Variants in PTPRJ observed in about 807,000 individuals in gnomAD.
PTPRJ encodes receptor-type tyrosine-protein phosphatase eta.
PTPRJ carries 129 observed loss-of-function variants against 141.3 expected under a neutral mutation model. That is an observed-to-expected ratio of 0.91 (90% CI 0.79 to 1.06). The LOEUF (loss-of-function observed/expected upper bound fraction) is 1.06, where lower values mean the gene tolerates loss of function less well. Among genes scored for constraint, PTPRJ ranks in the 50% least tolerant of loss-of-function variants. PTPRJ has a pLI of 0.00. For synonymous variants in PTPRJ, 610 were observed against 640.5 expected (o/e 0.95, Z 0.72); for missense variants, 1,601 against 1,679.7 (o/e 0.95, Z 0.82).
chr11:48,051,438 T>C (rs2134247575), intron 1 of PTPRJ, among the ~76,000 whole-genome samples: 1 of 152,288 alleles, frequency 6.6e-6, no homozygotes, highest in African/African-American at 2.4e-5. Context: ...TGATCATGCT[T>C]TTCCCCCCAC....
intron 1 of PTPRJ, among the ~76,000 whole-genome samples, chr11:48,034,833 T>C (rs1206837163): frequency 6.6e-6 from 1 of 152,240 alleles, no homozygotes; most frequent in East Asian, 1.9e-4. Flanking sequence ...ACAATGGCGA[T>C]GGCCATACTG....
At chr11:48,036,232 A>G (rs1433255063) in intron 1 of PTPRJ, among the ~76,000 whole-genome samples, 1 of 152,220 alleles carries the variant, frequency 6.6e-6, no homozygotes, top group Non-Finnish European at 1.5e-5. Context: ...AGAAGAGTCT[A>G]TCTCTGTTCT....
chr11:48,144,843 T>C lies in PTPRJ; in HGVS notation c.2744T>C (p.Leu915Pro). 3 of 1,614,202 alleles carry C rather than the reference T, an allele frequency of 1.9e-6. No homozygotes were observed. Among genetic ancestry groups the C allele is most frequent in the Non-Finnish European group, 2.5e-6 (3 of 1,180,022 alleles). The change falls in exon 13 of 25, where the codon CTT becomes CCT. Residue 915 changes from leucine (L) to proline (P), a missense_variant. By Grantham distance (98) the Leu-to-Pro change is moderately conservative (BLOSUM62 -3). Transcript: ENST00000418331. The part of the protein sequence containing the change: ...EIDVGNESTT[L>P]GYYNGKLEPL... ...GACGTTGGGAATGAGTCAACCACACTTGGTTATTACAATGGGAAGCTGGAA... is the reference window on the plus strand; with the variant it reads ...GACGTTGGGAATGAGTCAACCACACCTGGTTATTACAATGGGAAGCTGGAA...
At chr11:48,059,109 CCTTTTTTTT>C (rs1854843679) in intron 1 of PTPRJ, among the ~76,000 whole-genome samples, 1 of 125,932 alleles carries the variant, frequency 7.9e-6, no homozygotes, top group Non-Finnish European at 1.6e-5. Flanking sequence ...CTGTGCTGTG[CCTTTTTTTT>C]TTTTTTTTTT....
Position 48,121,090 on chromosome 11 carries a change from C to G in PTPRJ, c.440C>G (p.Ser147Cys). 6.2e-7 allele frequency: 1 copy of G among 1,613,816 alleles called. No homozygotes were observed. The highest frequency in any genetic ancestry group is 8.5e-7 in the Non-Finnish European group (1 of 1,179,930). The change falls in exon 4 of 25, where the codon TCT becomes TGT. Residue 147 changes from serine (S) to cysteine (C), a missense_variant. Physicochemically the swap from Ser to Cys is moderately radical, Grantham distance 112. Coordinates refer to ENST00000418331, the MANE Select transcript of PTPRJ (RefSeq NM_002843.4). Reference protein sequence around the residue: ...LTWKSNDTAASEYKYVVKHKM... With the variant: ...LTWKSNDTAACEYKYVVKHKM... ...TGGAAAAGTAATGACACAGCTGCTT[C>G]TGAGTACAAGTATGTAGTAAAGCAT...
At chr11:48,081,429 G>A (rs995304842) in intron 1 of PTPRJ, among the ~76,000 whole-genome samples, 1 of 152,178 alleles carries the variant, frequency 6.6e-6, no homozygotes. Context: ...CAAACAGGGA[G>A]GAGAGGAAGC....
intron 1 of PTPRJ, among the ~76,000 whole-genome samples, chr11:48,053,455 T>C (rs1169206740): frequency 1.7e-5 from 2 of 115,840 alleles, no homozygotes; most frequent in Non-Finnish European, 3.3e-5. Flanking sequence ...TTATATACTA[T>C]ATATTATATA....
At chr11:48,043,428 C>T (rs543578338) in intron 1 of PTPRJ, among the ~76,000 whole-genome samples, 1 of 152,026 alleles carries the variant, frequency 6.6e-6, no homozygotes, top group Non-Finnish European at 1.5e-5. Context: ...ACTCCTCAGG[C>T]CAGGAAGACC....
intron 1 of PTPRJ, among the ~76,000 whole-genome samples, chr11:48,062,216 A>T (rs1029931802): frequency 6.6e-6 from 1 of 151,524 alleles, no homozygotes; most frequent in Admixed American, 6.6e-5. Context: ...TAGGTTTCTT[A>T]AAAAAGTGCC....
chr11:48,134,302 A>G (rs1019793264), intron 8 of PTPRJ, among the ~76,000 whole-genome samples: 2 of 152,218 alleles, frequency 1.3e-5, no homozygotes, highest in Admixed American at 1.3e-4. Context: ...TATAGTTAGC[A>G]TGGCCTTCAT....
At chr11:48,077,581 C>T (rs1438576843) in intron 1 of PTPRJ, among the ~76,000 whole-genome samples, 7 of 152,214 alleles carry the variant, frequency 4.6e-5, no homozygotes, top group East Asian at 3.8e-4. Flanking sequence ...GACAGCCTTA[C>T]GGAGCGTGCT....
At chr11:48,071,607 C>CAT in intron 1 of PTPRJ, among the ~76,000 whole-genome samples, 1 of 82,442 alleles carries the variant, frequency 1.2e-5, no homozygotes, top group Non-Finnish European at 2.2e-5. Flanking sequence ...CGCACCCAGC[C>CAT]TTTTTTTTTT....
In PTPRJ at chr11:48,169,718, T is replaced by C. The variant is rs1212715375; in HGVS notation, c.*2356T>C. On this transcript the variant is annotated 3_prime_UTR_variant, in exon 25 of 25. Coordinates refer to ENST00000418331, the MANE Select transcript of PTPRJ (RefSeq NM_002843.4). The stretch of plus-strand genomic sequence containing the variant: ...AAATCCTTTAAAAGGTTAAATACTT[T>C]AAAAGATTAAAGCAACATAACTGTA... 1.3e-5 allele frequency: 2 copies of C among 152,148 alleles called. No individual in the cohort carries two copies. Among genetic ancestry groups the C allele is most frequent in the Non-Finnish European group, 2.9e-5 (2 of 68,034 alleles). The allele number at this position is 152,148 out of a possible 1,614,324, so 9.4% of individuals were successfully genotyped here. A position where few individuals can be genotyped will look rare whatever the true frequency, so the allele number is the denominator to read the frequency against.
At chr11:48,024,873 C>T (rs1853765035) in intron 1 of PTPRJ, among the ~76,000 whole-genome samples, 1 of 152,224 alleles carries the variant, frequency 6.6e-6, no homozygotes, top group African/African-American at 2.4e-5. Context: ...TTGAGCTGTG[C>T]TTAGAAGGCC....
At chr11:48,081,497 G>A (rs991095523) in intron 1 of PTPRJ, among the ~76,000 whole-genome samples, 25 of 152,192 alleles carry the variant, frequency 1.6e-4, no homozygotes, top group African/African-American at 6.0e-4. Flanking sequence ...TTGGGTGGCC[G>A]CCGAGGACCA....
At chr11:48,030,906 A>C (rs1173316349) in intron 1 of PTPRJ, among the ~76,000 whole-genome samples, 2 of 152,208 alleles carry the variant, frequency 1.3e-5, no homozygotes, top group African/African-American at 4.8e-5. Flanking sequence ...GAGGCTGAGA[A>C]GTATAGTCTC....
At chr11:47,984,907 C>T (rs1211370423) in intron 1 of PTPRJ, among the ~76,000 whole-genome samples, 3 of 139,122 alleles carry the variant, frequency 2.2e-5, no homozygotes, top group African/African-American at 5.5e-5. Flanking sequence ...GGCTGGAGTA[C>T]GGTGGTGTGA....
chr11:48,070,423 C>T (rs144606134), intron 1 of PTPRJ, among the ~76,000 whole-genome samples: 3,738 of 151,556 alleles, frequency 0.025, 151 homozygotes, highest in African/African-American at 0.086. Context: ...ACTGCTGGAA[C>T]GCAGGAGGCG....
chr11:48,037,956 C>G (rs1341959526), intron 1 of PTPRJ, among the ~76,000 whole-genome samples: 1 of 151,838 alleles, frequency 6.6e-6, no homozygotes, highest in African/African-American at 2.4e-5. Flanking sequence ...CTTGCTGTGC[C>G]TTTCTCTTTC....
Sources: gnomAD v4.1 joint callset for allele counts (sites outside exome capture counted in the v4.1 genomes callset) on GRCh38, gnomAD v4.1.1 for gene constraint, MANE v1.5 for transcripts, NCBI Gene and HGNC (gene_info 2026-07-23, HGNC 2026-07-21) for gene names.